TSR1: variants seen among roughly 807,000 people sequenced by gnomAD.
TSR1 encodes the protein pre-rRNA-processing protein TSR1 homolog.
Under a neutral mutation model 90.9 loss-of-function variants are expected in TSR1, and 81 were observed. The observed-to-expected ratio is 0.89, with a 90% confidence interval of 0.74 to 1.07. TSR1 has a LOEUF of 1.07. TSR1 is among the 50% of genes least tolerant of loss of function. The probability of loss-of-function intolerance (pLI) is 0.00; values close to 1 mark genes in which losing one functional copy is unlikely to be tolerated. For synonymous variants in TSR1, 362 were observed against 348.8 expected (o/e 1.04, Z -0.42); for missense variants, 989 against 987.3 (o/e 1.00, Z -0.02).
intron 10 of TSR1, 113 bp from the exon 11 acceptor site, chr17:2,329,588 T>C: frequency 7.9e-7 from 1 of 1,272,840 alleles, no homozygotes; most frequent in Non-Finnish European, 1.1e-6. Flanking sequence ...GAACTGACAA[T>C]GCTAATTAAT....
chr17:2,333,264 A>T (rs1163266541), intron 6 of TSR1, 140 bp from the exon 7 acceptor site: 1 of 1,046,942 alleles, frequency 9.6e-7, no homozygotes, highest in Non-Finnish European at 1.4e-6. Context: ...CTACTTCCAA[A>T]TTTAATTCAG....
Position 2,330,991 on chromosome 17 carries a change from T to C in TSR1, c.1615A>G (p.Ser539Gly). The change falls in exon 9 of 15, where the codon AGC (serine) becomes GGC (glycine). Residue 539 changes from serine (S) to glycine (G), a missense_variant. Ser to Gly is a moderately conservative substitution (Grantham distance 56). Transcript: ENST00000301364. ...QFQNFTNTRK[S>G]IFKEVEEKEV... ...TTTTCTTCAACCTCTTTAAAGATGC[T>C]TTTCCTAGTGTTAGTAAAGTTCTGA... is the stretch of plus-strand genomic sequence containing the variant. 1 of 1,606,806 alleles carries C rather than the reference T, an allele frequency of 6.2e-7. No homozygotes were observed. The highest frequency in any genetic ancestry group is 8.5e-7 in the Non-Finnish European group (1 of 1,178,246).
In TSR1 at chr17:2,335,704, A is replaced by C. The variant is rs1181131175; in HGVS notation, c.228T>G (p.Gly76=). ...EAVLAEKRQL[G]GKDGPPHQVL... ...CCTGATGAGGAGGGCCATCCTTGCC[A>C]CCCAGCTGTCTCTTCTCTGCCAGAA... The change falls in exon 3 of 15, where the codon GGT becomes GGG. Residue 76 remains glycine (G), a synonymous_variant. Transcript: ENST00000301364. 3 of 1,613,416 alleles carry C rather than the reference A, an allele frequency of 1.9e-6. No individual in the cohort carries two copies. Among genetic ancestry groups the C allele is most frequent in the South Asian group, 1.1e-5 (1 of 91,056 alleles).
At chr17:2,330,135 TCTCGAA>T (rs1198057649) in intron 10 of TSR1, 5 of 412,214 alleles carry the variant, frequency 1.2e-5, no homozygotes, top group African/African-American at 8.2e-5. Context: ...GTCAGGCTGG[TCTCGAA>T]CTCCCGACCT....
chr17:2,330,904 A>G (rs371276916), intron 9 of TSR1, 43 bp downstream of exon 9: 8 of 1,537,616 alleles, frequency 5.2e-6, no homozygotes, highest in Non-Finnish European at 7.0e-6. Flanking sequence ...GAGCATGTTG[A>G]CAAATGAAAG....
rs776757233 is a variant in TSR1, at chr17:2,335,447, T to TAAAAA, written c.422-58_422-54dup. ...GGTGGTTGGCACCAGCACATTATTCTAAAAAAAAAAAAAAAAAATACCACT... is the reference window on the plus strand; with the variant it reads ...GGTGGTTGGCACCAGCACATTATTCTAAAAAAAAAAAAAAAAAAAAAAATACCACT... On this transcript the variant is annotated intron_variant, in intron 3 of 14. Transcript: ENST00000301364. 29 of 1,494,666 alleles carry TAAAAA rather than the reference T, an allele frequency of 1.9e-5. 1 individual carries two copies. In the Middle Eastern group the frequency reaches 5.8e-4, roughly 30 times the overall value. The allele number at this position is 1,494,666 out of a possible 1,614,324, so 92.6% of individuals were successfully genotyped here. A position where few individuals can be genotyped will look rare whatever the true frequency, so the allele number is the denominator to read the frequency against.
chr17:2,327,323 G>A (rs964205570), intron 11 of TSR1, among the ~76,000 whole-genome samples: 5 of 149,960 alleles, frequency 3.3e-5, no homozygotes, highest in Non-Finnish European at 5.9e-5. Context: ...AGGCTGAGGC[G>A]CCAGAATCAC....
At chr17:2,332,005 C>T (rs2064007273) in intron 8 of TSR1, among the ~76,000 whole-genome samples, 164 bp downstream of exon 8, 1 of 152,176 alleles carries the variant, frequency 6.6e-6, no homozygotes, top group Admixed American at 6.5e-5. Flanking sequence ...TTACATATGA[C>T]CATTTCCCGT....
Position 2,323,969 on chromosome 17 carries a change from T to TTA in TSR1, c.*226_*227insTA. The TTA allele has an allele frequency of 4.1e-6, 5 of 1,226,468 alleles. No homozygotes were observed. The highest frequency in any genetic ancestry group is 5.7e-6 in the Non-Finnish European group (5 of 875,490). The allele number at this position is 1,226,468 out of a possible 1,614,324, so 76.0% of individuals were successfully genotyped here. A position where few individuals can be genotyped will look rare whatever the true frequency, so the allele number is the denominator to read the frequency against. On this transcript the variant is annotated 3_prime_UTR_variant, in exon 15 of 15. Coordinates refer to ENST00000301364, the MANE Select transcript of TSR1 (RefSeq NM_018128.5). ...CAACTCTTAGTTATCAGATTCTTAA[T>TTA]GGAGAGTGGCTATTTCATTAAGATT...
chr17:2,330,820 TA>T, intron 9 of TSR1, 126 bp downstream of exon 9: 1 of 1,115,872 alleles, frequency 9.0e-7, no homozygotes, highest in Non-Finnish European at 1.3e-6. Flanking sequence ...AGTATCATTC[TA>T]ATCAATGACT....
rs187168341 is a variant in TSR1, at chr17:2,329,332, C to G, written c.1903+11G>C. The stretch of plus-strand genomic sequence containing the variant: ...CAAGATGGACAAGAACCCAGCTTCC[C>G]CATTGCTAACCTGCAGTGTGCTGAG... On this transcript the variant is annotated intron_variant, in intron 11 of 14. Transcript: ENST00000301364. 166 of 1,613,594 alleles carry G rather than the reference C, an allele frequency of 1.0e-4. No homozygotes were observed. The African/African-American group carries it at 1.8e-3, about 17-fold the overall frequency.
Position 2,323,018 on chromosome 17 carries a change from G to C in TSR1, c.*1178C>G. 1 of 1,036,548 alleles carries C rather than the reference G, an allele frequency of 9.6e-7. No individual in the cohort carries two copies. Among genetic ancestry groups the C allele is most frequent in the Non-Finnish European group, 1.4e-6 (1 of 697,540 alleles). The allele number at this position is 1,036,548 out of a possible 1,614,324, so 64.2% of individuals were successfully genotyped here. A position where few individuals can be genotyped will look rare whatever the true frequency, so the allele number is the denominator to read the frequency against. Reference sequence around the variant, plus strand: ...GACCTCAGCTGATCCACCCGCCTCGGGCTCCCAAAGTGTTGGGATTACAGG... The same window carrying C: ...GACCTCAGCTGATCCACCCGCCTCGCGCTCCCAAAGTGTTGGGATTACAGG... On this transcript the variant is annotated 3_prime_UTR_variant, in exon 15 of 15. Transcript: ENST00000301364.
rs2064039169 is a variant in TSR1, at chr17:2,334,871, G to A, written c.582C>T (p.Gly194=). 1 of 1,612,510 alleles carries A rather than the reference G, an allele frequency of 6.2e-7. No homozygotes were observed. Among genetic ancestry groups the A allele is most frequent in the Non-Finnish European group, 8.5e-7 (1 of 1,179,464 alleles). Residue 194 remains glycine, a synonymous_variant, in exon 5 of 15, where the codon GGC becomes GGT. Coordinates refer to ENST00000301364, the MANE Select transcript of TSR1 (RefSeq NM_018128.5). Reference sequence around the variant, plus strand: ...TATCTATTTGTTTCTTCAGTGGGAGGCCAGAAATCCCCTGGACAGCTAGTG... The same window carrying A: ...TATCTATTTGTTTCTTCAGTGGGAGACCAGAAATCCCCTGGACAGCTAGTG... The part of the protein sequence containing the change: ...TYTLAVQGIS[G]LPLKKQIDTR...
intron 2 of TSR1, 69 bp from the exon 3 acceptor site, chr17:2,335,799 T>A (rs530534009): frequency 6.6e-7 from 1 of 1,510,590 alleles, no homozygotes; most frequent in East Asian, 2.4e-5. Flanking sequence ...GCATTTCCAC[T>A]CCCACAGATG....
intron 4 of TSR1, 105 bp downstream of exon 4, chr17:2,335,155 A>T: frequency 7.7e-7 from 1 of 1,291,448 alleles, no homozygotes. Flanking sequence ...ATATGTGTAC[A>T]TCCCACCACC....
chr17:2,335,009 G>T, intron 4 of TSR1, 113 bp from the exon 5 acceptor site: 2 of 1,202,908 alleles, frequency 1.7e-6, no homozygotes, highest in Non-Finnish European at 2.3e-6. Flanking sequence ...TCACTGGGAA[G>T]CCCAACACTG....
Position 2,332,960 on chromosome 17 carries a change from C to G in TSR1, c.1305+1G>C. The G allele has an allele frequency of 6.2e-7, 1 of 1,613,064 alleles. No individual in the cohort carries two copies. Among genetic ancestry groups the G allele is most frequent in the Admixed American group, 1.7e-5 (1 of 59,966 alleles). ...ATTGGCCTAAGGCCTCATTTCCTTA[C>G]CTGAGATTCCTCCTCCATAAAATCC... On this transcript the variant is annotated splice_donor_variant, in intron 7 of 14. Coordinates refer to ENST00000301364, the MANE Select transcript of TSR1 (RefSeq NM_018128.5). LOFTEE classifies it high-confidence loss of function.
intron 5 of TSR1, among the ~76,000 whole-genome samples, chr17:2,334,069 CATAA>C (rs2064026803): frequency 6.6e-6 from 1 of 152,182 alleles, no homozygotes; most frequent in Non-Finnish European, 1.5e-5. Flanking sequence ...CTCTTCAACT[CATAA>C]ATCACATTTA....
At chr17:2,327,497 A>G (rs2075582410) in intron 11 of TSR1, among the ~76,000 whole-genome samples, 1 of 152,136 alleles carries the variant, frequency 6.6e-6, no homozygotes, top group Non-Finnish European at 1.5e-5. Flanking sequence ...AGTCTCTGCA[A>G]CTGAGACTTT....
Sources: gnomAD v4.1 joint callset for allele counts (sites outside exome capture counted in the v4.1 genomes callset) on GRCh38, gnomAD v4.1.1 for gene constraint, MANE v1.5 for transcripts, NCBI Gene and HGNC (gene_info 2026-07-23, HGNC 2026-07-21) for gene names.